Variants in FARP2 observed in about 807,000 individuals in gnomAD.
FARP2 encodes FERM, ARHGEF and pleckstrin domain-containing protein 2.
FARP2 carries 111 observed loss-of-function variants against 130.5 expected under a neutral mutation model. The ratio of observed to expected loss-of-function variants is 0.85; its 90% CI spans 0.73 to 1.00. The LOEUF (loss-of-function observed/expected upper bound fraction) is 1.00. FARP2 is among the 50% of genes least tolerant of loss of function. FARP2 has a pLI of 0.00. For synonymous variants in FARP2, 504 were observed against 516.9 expected (o/e 0.98, Z 0.34); for missense variants, 1,385 against 1,346.3 (o/e 1.03, Z -0.45).
intron 5 of FARP2, among the ~76,000 whole-genome samples, chr2:241,409,724 A>G (rs980700699): frequency 1.3e-5 from 2 of 152,216 alleles, no homozygotes; most frequent in African/African-American, 4.8e-5. Context: ...AATGATACGT[A>G]TTGAACTGTA....
intron 9 of FARP2, 110 bp from the exon 10 acceptor site, chr2:241,434,048 A>C: frequency 1.2e-6 from 1 of 857,808 alleles, no homozygotes; most frequent in Non-Finnish European, 1.8e-6. Flanking sequence ...AAAAAACCTT[A>C]CTGATTTTTA....
chr2:241,461,004 T>C (rs905688623), intron 14 of FARP2, among the ~76,000 whole-genome samples: 2 of 152,186 alleles, frequency 1.3e-5, no homozygotes, highest in African/African-American at 4.8e-5. Context: ...GTGCCTCTGT[T>C]GTCCTCTCAT....
At chr2:241,366,421 A>G (rs1346484115) in intron 1 of FARP2, among the ~76,000 whole-genome samples, 1 of 151,980 alleles carries the variant, frequency 6.6e-6, no homozygotes, top group African/African-American at 2.4e-5. Flanking sequence ...GATCTAAAAT[A>G]CACTCTAAAG....
chr2:241,438,954 T>C (rs2063317096), intron 12 of FARP2, among the ~76,000 whole-genome samples: 1 of 152,002 alleles, frequency 6.6e-6, no homozygotes, highest in Admixed American at 6.6e-5. Context: ...GTTTCCTCTT[T>C]AGAAATTTCT....
chr2:241,385,646 A>C (rs1405813181), intron 2 of FARP2, among the ~76,000 whole-genome samples: 3 of 152,186 alleles, frequency 2.0e-5, no homozygotes, highest in African/African-American at 7.2e-5. Flanking sequence ...CCTGAGCCCT[A>C]GTGGTGGAAG....
At chr2:241,409,617 G>A (rs978841061) in intron 5 of FARP2, among the ~76,000 whole-genome samples, 8 of 152,124 alleles carry the variant, frequency 5.3e-5, no homozygotes, top group East Asian at 3.9e-4. Flanking sequence ...CTTATTCTCC[G>A]CATAAGTACG....
intron 12 of FARP2, among the ~76,000 whole-genome samples, chr2:241,438,161 C>T (rs2063291945): frequency 6.6e-6 from 1 of 152,192 alleles, no homozygotes; most frequent in African/African-American, 2.4e-5. Context: ...CATGGTGCTA[C>T]AGTTTCAACT....
intron 21 of FARP2, chr2:241,489,103 T>G (rs2064832420): frequency 6.6e-6 from 1 of 152,242 alleles, no homozygotes. Context: ...TGGACAATGT[T>G]TTGCCTGCCC....
At chr2:241,359,065 C>A (rs563190191) in intron 1 of FARP2, among the ~76,000 whole-genome samples, 27 of 152,208 alleles carry the variant, frequency 1.8e-4, no homozygotes, top group African/African-American at 6.5e-4. Flanking sequence ...AAAATTTGAA[C>A]CATTTTGATC....
At chr2:241,366,129 A>ATATATACGTG (rs1553705686) in intron 1 of FARP2, among the ~76,000 whole-genome samples, 1 of 99,200 alleles carries the variant, frequency 1.0e-5, no homozygotes, top group Non-Finnish European at 2.2e-5. Flanking sequence ...ATACGTATAT[A>ATATATACGTG]TATATATATA....
intron 2 of FARP2, among the ~76,000 whole-genome samples, chr2:241,397,031 G>A (rs2062046778): frequency 1.3e-5 from 2 of 152,192 alleles, no homozygotes; most frequent in African/African-American, 4.8e-5. Flanking sequence ...CATGTCCTTT[G>A]TAGGGACATG....
Position 241,462,562 on chromosome 2 carries a change from A to C in FARP2, c.1627A>C (p.Ile543Leu). The change falls in exon 15 of 27, where the codon ATT (isoleucine) becomes CTT (leucine). Residue 543 changes from isoleucine (I) to leucine (L), a missense_variant. Physicochemically the swap from Ile to Leu is conservative, Grantham distance 5. Transcript: ENST00000264042. The part of the protein sequence containing the change: ...ADEAYFIVKE[I>L]LATERTYLKD... ...CGAGGCCTACTTCATAGTCAAAGAG[A>C]TTCTCGCTACAGAACGAACATACCT... is the stretch of plus-strand genomic sequence containing the variant. 8 of 1,614,042 alleles carry C rather than the reference A, an allele frequency of 5.0e-6. No homozygotes were observed. Among genetic ancestry groups the C allele is most frequent in the Non-Finnish European group, 6.8e-6 (8 of 1,179,898 alleles).
intron 11 of FARP2, among the ~76,000 whole-genome samples, chr2:241,435,858 T>C (rs2063214276): frequency 6.6e-6 from 1 of 150,898 alleles, no homozygotes; most frequent in Admixed American, 6.6e-5. Flanking sequence ...ATATTTTTAG[T>C]TTCTCTTCTG....
intron 8 of FARP2, among the ~76,000 whole-genome samples, chr2:241,430,514 T>G (rs1359279665): frequency 6.6e-6 from 1 of 152,174 alleles, no homozygotes; most frequent in Non-Finnish European, 1.5e-5. Context: ...CTGTATCTGC[T>G]GAAACCAGGA....
At chr2:241,434,376 A>T (rs2063167206) in intron 10 of FARP2, 55 bp downstream of exon 10, 1 of 1,299,682 alleles carries the variant, frequency 7.7e-7, no homozygotes, top group South Asian at 1.6e-5. Flanking sequence ...AAAGCTGAGA[A>T]AATAGGTAAT....
rs371081495 is a variant in FARP2 at position 241,468,419 on chromosome 2, G to A, written c.2131+42G>A. 152 of 1,502,850 alleles carry A rather than the reference G, an allele frequency of 1.0e-4. 1 individual carries two copies. The South Asian group carries it at 1.5e-3, about 15-fold the overall frequency. The allele number at this position is 1,502,850 out of a possible 1,614,324, so 93.1% of individuals were successfully genotyped here. ...CCCTGCATCTCAAGGATCAGCGTGCGTGGCTGGGAGGCAGGGGCGGCTTTG... is the reference window on the plus strand; with the variant it reads ...CCCTGCATCTCAAGGATCAGCGTGCATGGCTGGGAGGCAGGGGCGGCTTTG... On this transcript the variant is annotated intron_variant, in intron 18 of 26. Coordinates refer to ENST00000264042, the MANE Select transcript of FARP2 (RefSeq NM_014808.4).
At chr2:241,437,276 C>CA (rs1390775383) in intron 12 of FARP2, among the ~76,000 whole-genome samples, 1 of 152,208 alleles carries the variant, frequency 6.6e-6, no homozygotes, top group African/African-American at 2.4e-5. Context: ...TACACCAACT[C>CA]ACACAGACAC....
chr2:241,415,989 C>CTG (rs57774022), intron 7 of FARP2, among the ~76,000 whole-genome samples: 10,151 of 141,474 alleles, frequency 0.072, 545 homozygotes, highest in East Asian at 0.14. Flanking sequence ...CAGGGTAGTT[C>CTG]TGTGTGTGTG....
intron 12 of FARP2, 123 bp from the exon 13 acceptor site, chr2:241,441,181 A>G (rs1422578602): frequency 7.1e-6 from 6 of 849,494 alleles, no homozygotes; most frequent in Admixed American, 2.7e-5. Flanking sequence ...TGAATTGCCC[A>G]TTTTCATGAA....
Sources: allele counts gnomAD v4.1 joint callset (sites outside exome capture counted in the v4.1 genomes callset), GRCh38; gene constraint gnomAD v4.1.1; transcripts MANE v1.5; gene names NCBI Gene and HGNC (gene_info 2026-07-23, HGNC 2026-07-21).